Variants in ADAM18 observed in about 807,000 individuals in gnomAD.
ADAM18 encodes the protein ADAM metallopeptidase domain 18.
Under a neutral mutation model 94.4 loss-of-function variants are expected in ADAM18, and 117 were observed. The ratio of observed to expected loss-of-function variants is 1.24; its 90% confidence interval spans 1.07 to 1.45. The LOEUF (loss-of-function observed/expected upper bound fraction) is 1.45. ADAM18 is among the 40% of genes most tolerant of loss of function. The pLI, the probability that ADAM18 is intolerant of heterozygous loss-of-function variation, is 0.00. For missense variants in ADAM18, 936 were observed against 880.0 expected (o/e 1.06, Z -0.81); for synonymous variants, 327 against 291.6 (o/e 1.12, Z -1.24).
intron 3 of ADAM18, among the ~76,000 whole-genome samples, chr8:39,608,350 T>C (rs1233044046): frequency 2.0e-5 from 3 of 151,820 alleles, no homozygotes; most frequent in African/African-American, 7.3e-5. Context: ...TATTAAAACA[T>C]TGGTCTGATG....
At chr8:39,650,065 TG>T (rs1037300240) in intron 12 of ADAM18, among the ~76,000 whole-genome samples, 11 of 152,308 alleles carry the variant, frequency 7.2e-5, no homozygotes, top group African/African-American at 2.6e-4. Flanking sequence ...AGAAAACGTT[TG>T]TTAATCAAAA....
At chr8:39,679,795 A>G (rs940829482) in intron 15 of ADAM18, among the ~76,000 whole-genome samples, 2 of 152,216 alleles carry the variant, frequency 1.3e-5, no homozygotes, top group Non-Finnish European at 2.9e-5. Context: ...TTAGAGAACA[A>G]AATTGGGCTC....
intron 19 of ADAM18, among the ~76,000 whole-genome samples, chr8:39,729,232 T>C (rs1372791221): frequency 1.3e-5 from 2 of 152,114 alleles, no homozygotes; most frequent in African/African-American, 2.4e-5. Flanking sequence ...AATTTCACTT[T>C]TGCAAGATGA....
At chr8:39,703,385 G>A (rs1248706462) in intron 17 of ADAM18, among the ~76,000 whole-genome samples, 1 of 152,110 alleles carries the variant, frequency 6.6e-6, no homozygotes, top group African/African-American at 2.4e-5. Flanking sequence ...TTGAGGCTGA[G>A]ACAATGAGGT....
Position 39,655,260 on chromosome 8 carries a change from CCCAGTG to C in ADAM18, c.1230+6737_1230+6742del, listed in dbSNP as rs558023914. The stretch of plus-strand genomic sequence containing the variant: ...CTCATGCATATAGATATTTCATTTT[CCCAGTG>C]CCATTTATTAAAGAGACTGTTCTTT... On this transcript the variant is annotated intron_variant, in intron 12 of 19. Coordinates refer to ENST00000265707, the MANE Select transcript of ADAM18 (RefSeq NM_014237.3). Among the ~76,000 whole-genome samples the C allele has an allele frequency of 6.0e-3, 911 of 152,174 alleles. 5 individuals carry two copies. The highest frequency in any genetic ancestry group is 0.021 in the African/African-American group (867 of 41,520).
intron 13 of ADAM18, among the ~76,000 whole-genome samples, chr8:39,666,985 G>C (rs981279997): frequency 8.5e-5 from 13 of 152,092 alleles, no homozygotes; most frequent in Admixed American, 2.6e-4. Flanking sequence ...CTTCACTATG[G>C]ATGGCAATCT....
At chr8:39,631,648 A>G (rs1194451816) in intron 7 of ADAM18, among the ~76,000 whole-genome samples, 2 of 151,804 alleles carry the variant, frequency 1.3e-5, no homozygotes, top group African/African-American at 4.8e-5. Flanking sequence ...TGCTTTGACT[A>G]TTCTGGGCCC....
chr8:39,689,741 G>A (rs117758203), intron 16 of ADAM18, among the ~76,000 whole-genome samples: 12,575 of 152,230 alleles, frequency 0.083, 707 homozygotes, highest in Non-Finnish European at 0.12. Context: ...AAGAATCTCA[G>A]TGGTGGTTTA....
At chr8:39,724,259 G>A (rs969880145) in intron 19 of ADAM18, among the ~76,000 whole-genome samples, 1 of 151,700 alleles carries the variant, frequency 6.6e-6, no homozygotes, top group East Asian at 1.9e-4. Flanking sequence ...CTTGTAATCC[G>A]TTCAGATTTT....
intron 6 of ADAM18, among the ~76,000 whole-genome samples, chr8:39,616,585 C>T (rs888281919): frequency 6.6e-6 from 1 of 152,076 alleles, no homozygotes. Flanking sequence ...GCTAAAAGAA[C>T]AAAGCTGCAA....
At chr8:39,696,291 TATC>T (rs1193880471) in intron 17 of ADAM18, among the ~76,000 whole-genome samples, 1 of 72,864 alleles carries the variant, frequency 1.4e-5, no homozygotes, top group Non-Finnish European at 2.6e-5. Flanking sequence ...ATTAATTCCT[TATC>T]ATATATGTGA....
chr8:39,609,278 G>A lies in ADAM18; in HGVS notation c.267+158G>A, dbSNP rs545002981. On this transcript the variant is annotated intron_variant, in intron 4 of 19. Coordinates refer to ENST00000265707, the MANE Select transcript of ADAM18 (RefSeq NM_014237.3). ...CATGTGATAGAGATGAAACCCAGCT[G>A]CAAGCGAATACTCACAGGGACTCTC... Among the ~76,000 whole-genome samples, 25 of 152,204 alleles carry A rather than the reference G, an allele frequency of 1.6e-4. No homozygotes were observed. The South Asian group carries it at 5.2e-3, about 32-fold the overall frequency.
intron 2 of ADAM18, among the ~76,000 whole-genome samples, chr8:39,597,505 T>C (rs561768014): frequency 6.6e-6 from 1 of 152,352 alleles, no homozygotes; most frequent in Admixed American, 6.5e-5. Flanking sequence ...GGATATCCAG[T>C]TGTCCCAACA....
intron 16 of ADAM18, among the ~76,000 whole-genome samples, chr8:39,691,133 T>C (rs1296946005): frequency 6.6e-6 from 1 of 152,178 alleles, no homozygotes; most frequent in African/African-American, 2.4e-5. Context: ...TACACGCATA[T>C]ATTAAATCAC....
intron 14 of ADAM18, among the ~76,000 whole-genome samples, chr8:39,670,623 A>T (rs1326860599): frequency 6.6e-6 from 1 of 152,262 alleles, no homozygotes; most frequent in Non-Finnish European, 1.5e-5. Context: ...GGACATTGCC[A>T]TATGATTATT....
intron 2 of ADAM18, among the ~76,000 whole-genome samples, chr8:39,590,201 A>G (rs1390219677): frequency 1.3e-5 from 2 of 151,914 alleles, no homozygotes; most frequent in Non-Finnish European, 2.9e-5. Context: ...TCCAACAATG[A>G]TAGACTGGAT....
At chr8:39,608,905 C>A in intron 3 of ADAM18, 137 bp from the exon 4 acceptor site, 1 of 602,330 alleles carries the variant, frequency 1.7e-6, no homozygotes, top group South Asian at 2.2e-5. Context: ...TGTTATGCCT[C>A]ACTAAAATCA....
chr8:39,659,479 A>C (rs1329998958), intron 12 of ADAM18, among the ~76,000 whole-genome samples: 3 of 152,160 alleles, frequency 2.0e-5, no homozygotes, highest in African/African-American at 7.2e-5. Flanking sequence ...GCAATTACTA[A>C]AAATGTAAAA....
chr8:39,663,420 C>G (rs750724257), intron 12 of ADAM18, among the ~76,000 whole-genome samples: 4 of 80,276 alleles, frequency 5.0e-5, no homozygotes, highest in Admixed American at 1.7e-4. Context: ...GACACCTAGT[C>G]TTTACAAAAA....
Sources: gnomAD v4.1 joint callset for allele counts (sites outside exome capture counted in the v4.1 genomes callset) on GRCh38, gnomAD v4.1.1 for gene constraint, MANE v1.5 for transcripts, NCBI Gene and HGNC (gene_info 2026-07-23, HGNC 2026-07-21) for gene names.